Variants in DMD observed in about 807,000 individuals in gnomAD.
DMD encodes mutant dystrophin.
Under a neutral mutation model 330.1 loss-of-function variants are expected in DMD, and 63 were observed. The observed-to-expected ratio is 0.19, with a 90% CI of 0.16 to 0.24. The LOEUF (loss-of-function observed/expected upper bound fraction) is 0.24. Among genes scored for constraint, DMD ranks in the 10% least tolerant of loss-of-function variants. The pLI is 1.00. For synonymous variants in DMD, 1,223 were observed against 959.8 expected, an observed-to-expected ratio of 1.27 and a Z score of -5.07; for missense variants, 3,344 against 2,684.1, an observed-to-expected ratio of 1.25 and a Z score of -5.43.
chrX:32,072,696 G>A (rs2096309920), intron 44 of DMD, among the ~76,000 whole-genome samples: 1 of 111,654 alleles, frequency 9.0e-6, no homozygotes, highest in African/African-American at 3.3e-5. Flanking sequence ...TGGTGTGCCC[G>A]ATATTCTAGT....
rs193118108 is a variant in DMD, at chrX:32,773,869, G to A, written c.649+35624C>T. Among the ~76,000 whole-genome samples, 3 of 111,533 alleles carry A rather than the reference G, an allele frequency of 2.7e-5. No individual in the cohort carries two copies. The East Asian group carries it at 8.4e-4, about 31-fold the overall frequency. On this transcript the variant is annotated intron_variant, in intron 7 of 78. Transcript: ENST00000357033. ...CCTACAACCTATCCATATTCTGTCT[G>A]ACCTATATTTTTATTTATACTTTAA...
chrX:31,558,840 A>G (rs1225488273), intron 55 of DMD, among the ~76,000 whole-genome samples: 2 of 110,921 alleles, frequency 1.8e-5, no homozygotes, highest in Non-Finnish European at 3.8e-5. Flanking sequence ...TAGAATGCCT[A>G]TGGGCTATCT....
intron 51 of DMD, among the ~76,000 whole-genome samples, chrX:31,742,010 C>T (rs1458782595): frequency 8.9e-6 from 1 of 112,105 alleles, no homozygotes; most frequent in African/African-American, 3.2e-5. Flanking sequence ...ATAGAGAGGG[C>T]TTATTCATTA....
chrX:31,794,114 C>A (rs1213416810), intron 50 of DMD, among the ~76,000 whole-genome samples: 1 of 110,977 alleles, frequency 9.0e-6, no homozygotes, highest in African/African-American at 3.3e-5. Flanking sequence ...TAGACTAAAA[C>A]TAGGGTAAGG....
At chrX:31,308,324 C>T (rs979333104) in intron 62 of DMD, among the ~76,000 whole-genome samples, 1 of 112,103 alleles carries the variant, frequency 8.9e-6, no homozygotes, top group Non-Finnish European at 1.9e-5. Context: ...AATATATTCA[C>T]TTAAAGATGC....
chrX:32,568,396 G>A (rs2052001275), intron 15 of DMD, among the ~76,000 whole-genome samples: 1 of 108,608 alleles, frequency 9.2e-6, no homozygotes, highest in South Asian at 4.1e-4. Context: ...TGGTCCCAGC[G>A]ACTCAGGAAG....
chrX:32,573,480 T>C, intron 15 of DMD, 50 bp downstream of exon 15: 2 of 947,648 alleles, frequency 2.1e-6, no homozygotes, highest in East Asian at 6.2e-5. Flanking sequence ...ATAGTGATAA[T>C]ATACAGTACT....
chrX:31,975,404 G>A (rs866468218), intron 44 of DMD, among the ~76,000 whole-genome samples: 2 of 111,752 alleles, frequency 1.8e-5, no homozygotes, highest in African/African-American at 6.5e-5. Flanking sequence ...AATCCTTCTC[G>A]CCTTCTAACT....
intron 60 of DMD, among the ~76,000 whole-genome samples, chrX:31,436,165 C>T (rs2064510303): frequency 9.0e-6 from 1 of 111,434 alleles, no homozygotes; most frequent in African/African-American, 3.3e-5. Context: ...ATAATAAACA[C>T]ACTTACATGG....
chrX:32,769,549 A>G (rs749203315), intron 7 of DMD, among the ~76,000 whole-genome samples: 4 of 111,831 alleles, frequency 3.6e-5, no homozygotes, highest in Non-Finnish European at 5.6e-5. Context: ...GCTCCTTTCT[A>G]TTTTGGCACT....
intron 19 of DMD, among the ~76,000 whole-genome samples, chrX:32,492,137 G>A (rs2043058419): frequency 8.9e-6 from 1 of 111,864 alleles, no homozygotes. Context: ...GGGAGATCAA[G>A]ACCATCCTGG....
chrX:32,461,272 G>A (rs1411823399), intron 25 of DMD, among the ~76,000 whole-genome samples: 1 of 111,300 alleles, frequency 9.0e-6, no homozygotes, highest in Non-Finnish European at 1.9e-5. Context: ...ATGCTGAATT[G>A]GTAACAATAT....
intron 1 of DMD, among the ~76,000 whole-genome samples, chrX:33,238,481 C>T (rs1406134972): frequency 1.8e-5 from 2 of 110,913 alleles, no homozygotes; most frequent in Non-Finnish European, 3.8e-5. Flanking sequence ...TTATACAGCA[C>T]CCTCTCTCCC....
At chrX:31,317,673 A>G (rs1236572564) in intron 62 of DMD, among the ~76,000 whole-genome samples, 2 of 109,052 alleles carry the variant, frequency 1.8e-5, no homozygotes, top group African/African-American at 3.4e-5. Context: ...CACCACGCCC[A>G]GCTAATTTTT....
At chrX:32,071,327 T>C (rs1032242047) in intron 44 of DMD, among the ~76,000 whole-genome samples, 4 of 109,586 alleles carry the variant, frequency 3.7e-5, no homozygotes. Context: ...CCAGCACCTG[T>C]TGTTTCCTGA....
At chrX:33,113,054 CTT>C (rs554243808) in intron 1 of DMD, among the ~76,000 whole-genome samples, 30 of 94,016 alleles carry the variant, frequency 3.2e-4, no homozygotes, top group South Asian at 4.9e-4. Context: ...CTAAACATTA[CTT>C]TTTTTTTTTT....
At chrX:32,664,341 A>G (rs1271781080) in intron 9 of DMD, among the ~76,000 whole-genome samples, 1 of 103,917 alleles carries the variant, frequency 9.6e-6, no homozygotes, top group Admixed American at 1.1e-4. Flanking sequence ...TCCCGGGTTC[A>G]CGCCATTCTC....
At chrX:32,892,306 A>G (rs760657806) in intron 2 of DMD, among the ~76,000 whole-genome samples, 4 of 112,468 alleles carry the variant, frequency 3.6e-5, no homozygotes, top group Non-Finnish European at 7.5e-5. Flanking sequence ...CTGGCTACAC[A>G]TTAGCATCAC....
chrX:33,258,914 A>G (rs1017334114), intron 1 of DMD, among the ~76,000 whole-genome samples: 1 of 111,427 alleles, frequency 9.0e-6, no homozygotes, highest in Non-Finnish European at 1.9e-5. Flanking sequence ...AGCAAGTGAC[A>G]AATTAGCAAA....
Sources: gnomAD v4.1 joint callset for allele counts (sites outside exome capture counted in the v4.1 genomes callset) on GRCh38, gnomAD v4.1.1 for gene constraint, MANE v1.5 for transcripts, NCBI Gene and HGNC (gene_info 2026-07-23, HGNC 2026-07-21) for gene names.